The following SLC25A33 variants were observed in gnomAD, a reference collection of about 807,000 sequenced individuals.
SLC25A33 encodes the protein bone marrow stromal cell mitochondrial carrier protein.
Under a neutral mutation model 35.5 loss-of-function variants are expected in SLC25A33, and 15 were observed. That is an observed-to-expected ratio of 0.42 (90% CI 0.28 to 0.65). SLC25A33 has a LOEUF of 0.65. Among genes scored for constraint, SLC25A33 ranks in the 30% least tolerant of loss-of-function variants. SLC25A33 has a pLI of 0.20. For synonymous variants in SLC25A33, 136 were observed against 148.7 expected (o/e 0.91, Z 0.62); for missense variants, 257 against 398.5 (o/e 0.64, Z 3.02).
At chr1:9,541,946 C>G (rs890962552) in intron 1 of SLC25A33, among the ~76,000 whole-genome samples, 1 of 151,542 alleles carries the variant, frequency 6.6e-6, no homozygotes, top group South Asian at 2.1e-4. Context: ...ACTACAGGTG[C>G]CCGCCACCAC....
intron 1 of SLC25A33, among the ~76,000 whole-genome samples, chr1:9,548,380 A>G (rs1311786947): frequency 1.3e-5 from 2 of 152,146 alleles, no homozygotes; most frequent in African/African-American, 2.4e-5. Flanking sequence ...TCAGAAGTTC[A>G]AGACCAGCCT....
Position 9,582,305 on chromosome 1 carries a change from T to C in SLC25A33, c.770T>C (p.Ile257Thr). ...ASCIAYPHEV[I>T]RTRLREEGTK... ...GGTCTTTCTCTCTCTGCAGAAGTCA[T>C]AAGGACGAGGCTCCGGGAAGAGGGC... The change falls in exon 7 of 7, where the codon ATA (isoleucine) becomes ACA (threonine). Residue 257 changes from isoleucine to threonine, a missense_variant. Ile to Thr is a moderately conservative substitution (Grantham distance 89). Coordinates refer to ENST00000302692, the MANE Select transcript of SLC25A33 (RefSeq NM_032315.3). The surrounding 1 kb of genome is among the most constrained non-coding windows in gnomAD (Gnocchi z 4.0). 1.2e-6 allele frequency: 2 copies of C among 1,613,996 alleles called. No individual in the cohort carries two copies. Among genetic ancestry groups the C allele is most frequent in the Non-Finnish European group, 1.7e-6 (2 of 1,179,868 alleles).
chr1:9,566,483 G>A (rs1383465401), intron 2 of SLC25A33, among the ~76,000 whole-genome samples: 1 of 152,156 alleles, frequency 6.6e-6, no homozygotes, highest in Non-Finnish European at 1.5e-5. Context: ...TTCCCTGTGT[G>A]GCACCCTCTG....
intron 1 of SLC25A33, among the ~76,000 whole-genome samples, chr1:9,553,043 C>T (rs1643288174): frequency 3.3e-5 from 5 of 150,640 alleles, no homozygotes; most frequent in Admixed American, 2.7e-4. Flanking sequence ...AGGCATGCAC[C>T]ACCATGCCCG....
intron 5 of SLC25A33, among the ~76,000 whole-genome samples, chr1:9,574,173 G>A (rs192316263): frequency 5.5e-4 from 76 of 138,826 alleles, no homozygotes; most frequent in African/African-American, 2.0e-3. Flanking sequence ...ACCCAGCCTC[G>A]ACCTCCCAGG....
Position 9,539,651 on chromosome 1 carries a change from C to G in SLC25A33, c.-41C>G. 2 of 1,328,336 alleles carry G rather than the reference C, an allele frequency of 1.5e-6. No individual in the cohort carries two copies. The highest frequency in any genetic ancestry group is 1.8e-5 in the South Asian group (1 of 56,860). 82.3% of individuals were successfully genotyped at this position (1,328,336 alleles called of 1,614,324 possible). On this transcript the variant is annotated 5_prime_UTR_variant, in exon 1 of 7. Coordinates refer to ENST00000302692, the MANE Select transcript of SLC25A33 (RefSeq NM_032315.3). ...CGCATCCCTCGAGCCGCCACGCGCT[C>G]TCGCCACCGGGCGGCGACGGGCCGC...
At chr1:9,543,343 C>T (rs1643122343) in intron 1 of SLC25A33, among the ~76,000 whole-genome samples, 1 of 152,074 alleles carries the variant, frequency 6.6e-6, no homozygotes, top group South Asian at 2.1e-4. Flanking sequence ...GGGGTTTCAC[C>T]ATGTTGGACA....
At chr1:9,541,414 G>C (rs1643080076) in intron 1 of SLC25A33, among the ~76,000 whole-genome samples, 1 of 152,194 alleles carries the variant, frequency 6.6e-6, no homozygotes, top group Admixed American at 6.5e-5. Flanking sequence ...CTCCCAAAGT[G>C]CTGGGATTAC....
chr1:9,580,412 C>T (rs887658914), intron 6 of SLC25A33, among the ~76,000 whole-genome samples, 178 bp downstream of exon 6: 18 of 152,202 alleles, frequency 1.2e-4, no homozygotes, highest in African/African-American at 3.9e-4. Context: ...GGTGGGAACT[C>T]GACCTTACTC....
intron 1 of SLC25A33, among the ~76,000 whole-genome samples, chr1:9,540,855 G>A (rs896464238): frequency 1.3e-5 from 2 of 152,134 alleles, no homozygotes; most frequent in African/African-American, 4.8e-5. Flanking sequence ...TACTTGTATT[G>A]TGGGCAGTCA....
At chr1:9,567,216 G>A in intron 2 of SLC25A33, 68 bp from the exon 3 acceptor site, 1 of 1,293,964 alleles carries the variant, frequency 7.7e-7, no homozygotes. Flanking sequence ...TGAGAAGGTT[G>A]ACTCTTTATC....
intron 5 of SLC25A33, among the ~76,000 whole-genome samples, chr1:9,576,222 C>G (rs910966745): frequency 1.3e-5 from 2 of 152,142 alleles, no homozygotes; most frequent in Admixed American, 6.6e-5. Context: ...GGAATTAAGA[C>G]CTAGCTTCTA....
chr1:9,544,187 C>A (rs1157799452), intron 1 of SLC25A33, among the ~76,000 whole-genome samples: 1 of 151,928 alleles, frequency 6.6e-6, no homozygotes, highest in Non-Finnish European at 1.5e-5. Flanking sequence ...AATGTTTTCC[C>A]ACCTAGTATG....
intron 4 of SLC25A33, among the ~76,000 whole-genome samples, chr1:9,571,052 G>C (rs1346659584): frequency 6.6e-6 from 1 of 151,946 alleles, no homozygotes; most frequent in African/African-American, 2.4e-5. Flanking sequence ...TCTTTCTTCA[G>C]ATTCCCCACA....
chr1:9,560,699 TAAAGA>T (rs745996276), intron 2 of SLC25A33, among the ~76,000 whole-genome samples: 18 of 151,792 alleles, frequency 1.2e-4, no homozygotes, highest in Non-Finnish European at 1.8e-4. Context: ...TCTATTCTGT[TAAAGA>T]AAAGTATTCT....
At chr1:9,577,077 T>C in intron 5 of SLC25A33, 1 of 592,926 alleles carries the variant, frequency 1.7e-6, no homozygotes, top group Non-Finnish European at 2.9e-6. Flanking sequence ...AAGACATTGA[T>C]TTGGGAAGAA....
intron 1 of SLC25A33, among the ~76,000 whole-genome samples, chr1:9,552,848 G>A (rs1433671675): frequency 6.6e-6 from 1 of 151,826 alleles, no homozygotes; most frequent in Non-Finnish European, 1.5e-5. Flanking sequence ...GCCAAGAATG[G>A]AAAGCCCCAA....
chr1:9,580,859 AAAAAAAAAT>A (rs1029680295), intron 6 of SLC25A33, among the ~76,000 whole-genome samples: 3 of 122,206 alleles, frequency 2.5e-5, no homozygotes, highest in Non-Finnish European at 3.2e-5. Flanking sequence ...TGTCTCAAAA[AAAAAAAAAT>A]AATAATAATA....
intron 2 of SLC25A33, among the ~76,000 whole-genome samples, chr1:9,560,906 A>AT (rs202068001): frequency 0.012 from 1,773 of 150,552 alleles, 31 homozygotes; most frequent in Admixed American, 0.036. Flanking sequence ...CTGGCTTAAT[A>AT]TTTTCCAGCA....
Sources: allele counts gnomAD v4.1 joint callset (sites outside exome capture counted in the v4.1 genomes callset), GRCh38; gene constraint gnomAD v4.1.1; non-coding constraint Gnocchi (gnomAD v3.1); transcripts MANE v1.5; gene names NCBI Gene and HGNC (gene_info 2026-07-23, HGNC 2026-07-21).